Variants in B3GALT1 observed in about 807,000 individuals in gnomAD.
The protein encoded by B3GALT1 is beta-1,3-galactosyltransferase 1, also known as UDP-Gal:betaGlcNAc beta 1,3-galactosyltransferase, polypeptide 1.
A neutral mutation model predicts 23.2 loss-of-function variants in B3GALT1; 10 were observed. The ratio of observed to expected loss-of-function variants is 0.43; its 90% CI spans 0.27 to 0.73. The LOEUF (loss-of-function observed/expected upper bound fraction) is 0.73. B3GALT1 is among the 30% of genes least tolerant of loss of function. The pLI, the probability that B3GALT1 is intolerant of heterozygous loss-of-function variation, is 0.21. For missense variants in B3GALT1, 299 were observed against 405.4 expected (o/e 0.74, Z 2.25); for synonymous variants, 156 against 141.5 (o/e 1.10, Z -0.73).
At chr2:167,449,423 C>T (rs1179108426) in intron 1 of B3GALT1, among the ~76,000 whole-genome samples, 1 of 152,080 alleles carries the variant, frequency 6.6e-6, no homozygotes, top group African/African-American at 2.4e-5. Context: ...AATGGAGCTA[C>T]TGATTTGTGT....
intron 2 of B3GALT1, among the ~76,000 whole-genome samples, chr2:167,562,443 G>T (rs1249522367): frequency 6.6e-6 from 1 of 151,868 alleles, no homozygotes; most frequent in African/African-American, 2.4e-5. Flanking sequence ...CATAGTGTTG[G>T]AAGTTCTGGC....
At chr2:167,824,408 A>G (rs1689172353) in intron 4 of B3GALT1, among the ~76,000 whole-genome samples, 1 of 152,260 alleles carries the variant, frequency 6.6e-6, no homozygotes, top group Non-Finnish European at 1.5e-5. Context: ...ATAGGAGTCA[A>G]GATAAGAGAT....
At chr2:167,483,708 T>C (rs1310095238) in intron 1 of B3GALT1, among the ~76,000 whole-genome samples, 1 of 152,218 alleles carries the variant, frequency 6.6e-6, no homozygotes, top group East Asian at 1.9e-4. Flanking sequence ...CTACCATTTA[T>C]ATATAATTTA....
chr2:167,417,752 C>T (rs904745855), intron 1 of B3GALT1, among the ~76,000 whole-genome samples: 2 of 152,162 alleles, frequency 1.3e-5, no homozygotes, highest in African/African-American at 2.4e-5. Flanking sequence ...CAGTGAGTCA[C>T]AGACTATTAT....
intron 4 of B3GALT1, among the ~76,000 whole-genome samples, chr2:167,866,959 C>T (rs1360873389): frequency 1.3e-5 from 2 of 151,956 alleles, no homozygotes; most frequent in Non-Finnish European, 2.9e-5. Flanking sequence ...CGGAGTCTCA[C>T]TTTGTCGCCC....
intron 3 of B3GALT1, among the ~76,000 whole-genome samples, chr2:167,778,398 T>C (rs1255860770): frequency 2.0e-5 from 3 of 152,254 alleles, no homozygotes; most frequent in Non-Finnish European, 1.5e-5. Flanking sequence ...TCTTTTTTAA[T>C]TTTTAATTTC....
rs1051425906 is a variant in B3GALT1, at chr2:167,835,214, C to T, written c.-230+16421C>T. On this transcript the variant is annotated intron_variant, in intron 4 of 4. Transcript: ENST00000392690. ...TGGGTGCAGCACACCATGCGCGAGC[C>T]GAAGCAGGGCGAGGCATTGCCTCAC... 2.6e-5 allele frequency among the ~76,000 whole-genome samples: 4 copies of T among 152,038 alleles called. No homozygotes were observed. In the East Asian group the frequency reaches 5.8e-4, roughly 22 times the overall value.
intron 4 of B3GALT1, among the ~76,000 whole-genome samples, chr2:167,841,612 A>T (rs2105400296): frequency 6.6e-6 from 1 of 152,344 alleles, no homozygotes; most frequent in South Asian, 2.1e-4. Flanking sequence ...CAACCACCTA[A>T]TGAGGACAGA....
intron 4 of B3GALT1, among the ~76,000 whole-genome samples, chr2:167,843,908 T>A (rs1025985480): frequency 1.3e-5 from 2 of 152,188 alleles, no homozygotes; most frequent in African/African-American, 4.8e-5. Flanking sequence ...ACACCAAAAC[T>A]GAGGCATGTG....
At chr2:167,838,160 A>C (rs1459418259) in intron 4 of B3GALT1, among the ~76,000 whole-genome samples, 1 of 151,792 alleles carries the variant, frequency 6.6e-6, no homozygotes. Flanking sequence ...AGCAGAAGGC[A>C]AGAAATAACT....
intron 2 of B3GALT1, among the ~76,000 whole-genome samples, chr2:167,629,520 G>T (rs1397771320): frequency 6.6e-6 from 1 of 151,530 alleles, no homozygotes; most frequent in African/African-American, 2.4e-5. Flanking sequence ...CCTAAAAAAG[G>T]TCCTCTATGG....
chr2:167,693,183 G>A (rs1308185799), intron 3 of B3GALT1, among the ~76,000 whole-genome samples: 1 of 151,868 alleles, frequency 6.6e-6, no homozygotes, highest in African/African-American at 2.4e-5. Context: ...ATGGGGAAAT[G>A]ATTACCTAAT....
At chr2:167,678,428 A>G (rs973009404) in intron 3 of B3GALT1, among the ~76,000 whole-genome samples, 3 of 152,234 alleles carry the variant, frequency 2.0e-5, no homozygotes, top group Admixed American at 2.0e-4. Context: ...TGGGAGCATC[A>G]CAATCCGAGC....
At chr2:167,480,469 T>G (rs1699547863) in intron 1 of B3GALT1, among the ~76,000 whole-genome samples, 1 of 152,160 alleles carries the variant, frequency 6.6e-6, no homozygotes, top group Admixed American at 6.5e-5. Context: ...GGCTGCCCAC[T>G]CTGCAGCTTT....
At chr2:167,714,145 T>G in intron 3 of B3GALT1, 2 of 1,526,004 alleles carry the variant, frequency 1.3e-6, no homozygotes, top group Non-Finnish European at 1.8e-6. Context: ...TATTAAAACT[T>G]CTGAGTTCTG....
chr2:167,797,926 A>G (rs939007096), intron 3 of B3GALT1, among the ~76,000 whole-genome samples: 1 of 152,062 alleles, frequency 6.6e-6, no homozygotes, highest in African/African-American at 2.4e-5. Context: ...GGATGGTCTC[A>G]ATCTCCTGAC....
chr2:167,580,827 G>T (rs765217025), intron 2 of B3GALT1, among the ~76,000 whole-genome samples: 2 of 152,122 alleles, frequency 1.3e-5, no homozygotes, highest in Admixed American at 1.3e-4. Context: ...CTTTCTAGGA[G>T]CCGTGTACCC....
chr2:167,708,647 G>T (rs1687004006), intron 3 of B3GALT1, among the ~76,000 whole-genome samples: 1 of 152,130 alleles, frequency 6.6e-6, no homozygotes, highest in Non-Finnish European at 1.5e-5. Context: ...GGCAACAAGA[G>T]CGAGACTCCA....
At position 167,364,866 on chromosome 2, in the gene B3GALT1, AT is replaced by A. The variant is rs200260944; in HGVS notation, c.-511+71533del. 7.3e-4 allele frequency among the ~76,000 whole-genome samples: 111 copies of A among 152,310 alleles called. 1 individual carries two copies. The East Asian group carries it at 0.018, about 24-fold the overall frequency. On this transcript the variant is annotated intron_variant, in intron 1 of 4. Coordinates refer to ENST00000392690, the MANE Select transcript of B3GALT1 (RefSeq NM_020981.4). ...TTGCAAGACTATGTAGAATCAAAATATACATGAGATCCTCCTAAAACCCACT... is the reference window on the plus strand; with the variant it reads ...TTGCAAGACTATGTAGAATCAAAATAACATGAGATCCTCCTAAAACCCACT...
Sources: gnomAD v4.1 joint callset for allele counts (sites outside exome capture counted in the v4.1 genomes callset) on GRCh38, gnomAD v4.1.1 for gene constraint, MANE v1.5 for transcripts, NCBI Gene and HGNC (gene_info 2026-07-23, HGNC 2026-07-21) for gene names.